The following EPSTI1 variants were observed in gnomAD, a reference collection of about 807,000 sequenced individuals.
The protein encoded by EPSTI1 is epithelial-stromal interaction protein 1.
In EPSTI1, 66 loss-of-function variants were observed where a neutral mutation model predicts 49.9. The ratio of observed to expected loss-of-function variants is 1.32; its 90% confidence interval spans 1.08 to 1.62. The LOEUF is 1.62. Ranked by LOEUF, EPSTI1 falls within the 40% of genes most tolerant of loss-of-function variation. EPSTI1 has a pLI of 0.00. For synonymous variants in EPSTI1, 137 were observed against 130.7 expected (o/e 1.05, Z -0.33); for missense variants, 394 against 365.5 (o/e 1.08, Z -0.64).
intron 10 of EPSTI1, among the ~76,000 whole-genome samples, chr13:42,892,953 A>G (rs1373005867): frequency 5.3e-5 from 8 of 152,188 alleles, no homozygotes; most frequent in Admixed American, 6.5e-5. Context: ...AGTTTCAAAG[A>G]AGAGGGAGTG....
intron 1 of EPSTI1, among the ~76,000 whole-genome samples, chr13:42,987,494 T>C (rs2040105960): frequency 6.6e-6 from 1 of 152,144 alleles, no homozygotes; most frequent in Non-Finnish European, 1.5e-5. Flanking sequence ...ACAAGGTGCA[T>C]GTAGCCCAGG....
intron 5 of EPSTI1, among the ~76,000 whole-genome samples, chr13:42,962,380 C>T (rs1313674394): frequency 2.0e-5 from 3 of 152,158 alleles, no homozygotes; most frequent in Non-Finnish European, 4.4e-5. Flanking sequence ...TACAGATCAA[C>T]TCTCTCTCCC....
chr13:42,925,474 T>C (rs2038142080), intron 7 of EPSTI1, among the ~76,000 whole-genome samples: 1 of 152,184 alleles, frequency 6.6e-6, no homozygotes, highest in African/African-American at 2.4e-5. Flanking sequence ...TCTCAGTGTC[T>C]GGGTGGCGCT....
intron 10 of EPSTI1, chr13:42,889,389 G>A: frequency 1.9e-6 from 1 of 530,232 alleles, no homozygotes; most frequent in Non-Finnish European, 3.2e-6. Flanking sequence ...ACTTATTGGG[G>A]GCCTACTGCT....
chr13:42,942,576 A>G (rs1025104181), intron 6 of EPSTI1, among the ~76,000 whole-genome samples: 5 of 149,690 alleles, frequency 3.3e-5, no homozygotes, highest in African/African-American at 1.2e-4. Flanking sequence ...AAAAAAACTT[A>G]TTGTAGTTCA....
chr13:42,889,246 G>GA (rs1320671053), intron 10 of EPSTI1: 1 of 1,529,780 alleles, frequency 6.5e-7, no homozygotes, highest in East Asian at 2.4e-5. Context: ...GAGAACCCTA[G>GA]AAAAATAAAA....
chr13:42,982,692 G>C (rs1455963686), intron 1 of EPSTI1, among the ~76,000 whole-genome samples: 2 of 152,182 alleles, frequency 1.3e-5, no homozygotes, highest in Non-Finnish European at 2.9e-5. Context: ...TGGGGTTCAC[G>C]ACATGTTATC....
intron 6 of EPSTI1, among the ~76,000 whole-genome samples, chr13:42,952,952 C>T (rs544958235): frequency 6.6e-6 from 1 of 152,256 alleles, no homozygotes; most frequent in African/African-American, 2.4e-5. Context: ...CACAAATATG[C>T]TCACCCCAAC....
intron 1 of EPSTI1, among the ~76,000 whole-genome samples, chr13:42,979,180 TC>T (rs2039937249): frequency 6.6e-6 from 1 of 152,190 alleles, no homozygotes; most frequent in Non-Finnish European, 1.5e-5. Context: ...TAAGAAAAGT[TC>T]TTTTACATTC....
intron 8 of EPSTI1, among the ~76,000 whole-genome samples, chr13:42,908,484 G>GAAAAAAAAAAAAAAAAAAA (rs140923122): frequency 1.8e-5 from 2 of 113,350 alleles, no homozygotes; most frequent in Non-Finnish European, 3.5e-5. Context: ...ACTCTGTTAT[G>GAAAAAAAAAAAAAAAAAAA]AAAAAAAAAA....
chr13:42,970,164 C>G (rs2039731647), intron 2 of EPSTI1: 1 of 152,440 alleles, frequency 6.6e-6, no homozygotes, highest in Non-Finnish European at 1.5e-5. Flanking sequence ...CTTGAGCAAG[C>G]CTACAATTTC....
intron 6 of EPSTI1, among the ~76,000 whole-genome samples, chr13:42,927,860 A>G (rs904037552): frequency 6.6e-6 from 1 of 152,260 alleles, no homozygotes; most frequent in African/African-American, 2.4e-5. Flanking sequence ...GTCATCAGTC[A>G]AAAGTATAAA....
rs1391975666 is a variant in EPSTI1, at chr13:42,922,681, G to T, written c.657+3655C>A. 1.3e-5 allele frequency among the ~76,000 whole-genome samples: 2 copies of T among 152,122 alleles called. No homozygotes were observed. The highest frequency in any genetic ancestry group is 4.8e-5 in the African/African-American group (2 of 41,426). Reference sequence around the variant, plus strand: ...GTGTTCAAATGTTGCGGTGGAAGTGGGATTCAAGCGGCGCAAAGGGACACA... The same window carrying T: ...GTGTTCAAATGTTGCGGTGGAAGTGTGATTCAAGCGGCGCAAAGGGACACA... On this transcript the variant is annotated intron_variant, in intron 7 of 10. Transcript: ENST00000313624. This position sits in a 1 kb window ranked among gnomAD's most constrained non-coding sequence, Gnocchi z 4.8.
In EPSTI1 at chr13:42,966,754, G is replaced by A. The variant is rs1316158575; in HGVS notation, c.331+2340C>T. ...CGGGAGGTGAGGGGCGCCTCCGCCC[G>A]GCCACCACCCCGTCTGGGAGGTGTG... On this transcript the variant is annotated intron_variant, in intron 3 of 10. Transcript: ENST00000313624. 2.2e-4 allele frequency among the ~76,000 whole-genome samples: 20 copies of A among 90,070 alleles called. 8 individuals are homozygous for A. The highest frequency in any genetic ancestry group is 4.6e-4 in the Non-Finnish European group (18 of 39,338). 59.1% of individuals were successfully genotyped at this position (90,070 alleles called of 152,430 possible).
At chr13:42,954,496 T>A (rs1303092348) in intron 5 of EPSTI1, among the ~76,000 whole-genome samples, 6 of 152,194 alleles carry the variant, frequency 3.9e-5, no homozygotes, top group Non-Finnish European at 8.8e-5. Context: ...TGACTTAGTA[T>A]CAGATACTTA....
chr13:42,975,278 G>A (rs1236323678), intron 1 of EPSTI1, among the ~76,000 whole-genome samples: 5 of 152,266 alleles, frequency 3.3e-5, no homozygotes, highest in African/African-American at 7.2e-5. Flanking sequence ...AGACCAGGCC[G>A]AGCGAATTAC....
intron 6 of EPSTI1, among the ~76,000 whole-genome samples, chr13:42,933,644 G>T (rs574325377): frequency 6.6e-6 from 1 of 152,310 alleles, no homozygotes; most frequent in Non-Finnish European, 1.5e-5. Flanking sequence ...CACCCAGGAG[G>T]TGTGGGTATC....
intron 5 of EPSTI1, among the ~76,000 whole-genome samples, chr13:42,957,397 GA>G (rs1210154184): frequency 6.6e-6 from 1 of 152,148 alleles, no homozygotes; most frequent in Non-Finnish European, 1.5e-5. Flanking sequence ...CTTAAATGTG[GA>G]ATTTTTCATC....
chr13:42,911,216 TGAGA>T (rs35097953), intron 8 of EPSTI1, among the ~76,000 whole-genome samples: 2 of 151,530 alleles, frequency 1.3e-5, no homozygotes, highest in African/African-American at 2.4e-5. Flanking sequence ...GGTCTATCTG[TGAGA>T]GAGAGAGGGA....
Sources: gnomAD v4.1 joint callset for allele counts (sites outside exome capture counted in the v4.1 genomes callset) on GRCh38, gnomAD v4.1.1 for gene constraint, Gnocchi (gnomAD v3.1) non-coding constraint, MANE v1.5 for transcripts, NCBI Gene and HGNC (gene_info 2026-07-23, HGNC 2026-07-21) for gene names.